The following FSTL5 variants were observed in gnomAD, a reference collection of about 807,000 sequenced individuals.
FSTL5 encodes follistatin like 5, also known as follistatin-related protein 5.
FSTL5 carries 62 observed loss-of-function variants against 89.1 expected under a neutral mutation model. The observed-to-expected ratio is 0.70, with a 90% CI of 0.57 to 0.86. FSTL5 has a LOEUF of 0.86. FSTL5 is among the 40% of genes least tolerant of loss of function. The pLI, the probability that FSTL5 is intolerant of heterozygous loss-of-function variation, is 0.00. For synonymous variants in FSTL5, 383 were observed against 346.2 expected (o/e 1.11, Z -1.18); for missense variants, 1,057 against 1,001.6 (o/e 1.06, Z -0.75).
At chr4:161,808,548 T>A (rs1245190415) in intron 4 of FSTL5, among the ~76,000 whole-genome samples, 1 of 152,036 alleles carries the variant, frequency 6.6e-6, no homozygotes, top group Non-Finnish European at 1.5e-5. Context: ...TGTGAAACTC[T>A]TAGAAGAAAA....
chr4:162,052,232 A>G (rs1452235060), intron 2 of FSTL5, among the ~76,000 whole-genome samples: 2 of 151,606 alleles, frequency 1.3e-5, no homozygotes, highest in Non-Finnish European at 3.0e-5. Context: ...TAGGACAAGA[A>G]GAAAAATAAA....
chr4:162,153,666 A>G (rs1733326590), intron 1 of FSTL5, among the ~76,000 whole-genome samples: 1 of 136,316 alleles, frequency 7.3e-6, no homozygotes, highest in African/African-American at 2.7e-5. Flanking sequence ...TATATAATAT[A>G]TGTATATTAT....
chr4:161,832,386 T>C (rs940334427), intron 4 of FSTL5, among the ~76,000 whole-genome samples: 1 of 152,186 alleles, frequency 6.6e-6, no homozygotes, highest in Non-Finnish European at 1.5e-5. Flanking sequence ...AGGATGATGC[T>C]GGCCTCACAA....
At chr4:161,997,120 C>A (rs1423294858) in intron 3 of FSTL5, among the ~76,000 whole-genome samples, 1 of 152,088 alleles carries the variant, frequency 6.6e-6, no homozygotes, top group Non-Finnish European at 1.5e-5. Flanking sequence ...TGGTGAGGAG[C>A]AAATGAAGTA....
At chr4:161,648,101 C>A (rs1048272184) in intron 7 of FSTL5, among the ~76,000 whole-genome samples, 1 of 152,156 alleles carries the variant, frequency 6.6e-6, no homozygotes, top group African/African-American at 2.4e-5. Context: ...AAACCTTGCA[C>A]TCATTCTCCA....
At position 161,535,907 on chromosome 4, in the gene FSTL5, T is replaced by TA. The variant is rs201095479; in HGVS notation, c.1312+2258dup. Reference sequence around the variant, plus strand: ...TACATCATGGAATACTACTCAGCCATAAAGAAGAATGAAATCATAGTCTTT... The same window carrying TA: ...TACATCATGGAATACTACTCAGCCATAAAAGAAGAATGAAATCATAGTCTTT... On this transcript the variant is annotated intron_variant, in intron 10 of 15. Coordinates refer to ENST00000306100, the MANE Select transcript of FSTL5 (RefSeq NM_020116.5). 9.1e-4 allele frequency among the ~76,000 whole-genome samples: 139 copies of TA among 152,212 alleles called. 1 individual carries two copies. The East Asian group carries it at 0.024, about 26-fold the overall frequency.
chr4:161,560,899 C>T (rs748928456), intron 8 of FSTL5, among the ~76,000 whole-genome samples: 5 of 151,810 alleles, frequency 3.3e-5, no homozygotes, highest in East Asian at 1.9e-4. Flanking sequence ...CACTAAAATG[C>T]GTAGTAAACA....
chr4:161,826,873 T>C (rs1312342487), intron 4 of FSTL5, among the ~76,000 whole-genome samples: 1 of 152,232 alleles, frequency 6.6e-6, no homozygotes, highest in African/African-American at 2.4e-5. Flanking sequence ...GTAGATGATT[T>C]AGGCCATTTA....
intron 2 of FSTL5, among the ~76,000 whole-genome samples, chr4:162,052,398 C>T (rs941123976): frequency 7.9e-5 from 12 of 151,680 alleles, no homozygotes; most frequent in African/African-American, 2.4e-4. Flanking sequence ...CTATAACATA[C>T]AGTCAGAAAG....
chr4:162,093,479 A>G (rs1730630980), intron 2 of FSTL5, among the ~76,000 whole-genome samples: 1 of 152,326 alleles, frequency 6.6e-6, no homozygotes, highest in African/African-American at 2.4e-5. Flanking sequence ...ACCAGAAAAT[A>G]TTGGAAAAAC....
At chr4:162,117,802 G>A (rs1731700304) in intron 1 of FSTL5, among the ~76,000 whole-genome samples, 1 of 151,726 alleles carries the variant, frequency 6.6e-6, no homozygotes, top group Admixed American at 6.6e-5. Flanking sequence ...AAATTAAAGT[G>A]GTACTTGGCC....
chr4:161,775,083 A>G (rs992858644), intron 5 of FSTL5, among the ~76,000 whole-genome samples: 2 of 152,190 alleles, frequency 1.3e-5, no homozygotes, highest in Non-Finnish European at 2.9e-5. Context: ...AATAAGACCA[A>G]TACTCCACAA....
Position 162,012,791 on chromosome 4 carries a change from AT to A in FSTL5, c.160+20833del, listed in dbSNP as rs552659328. ...ATATAATATTGAAGGAGTATTAGAA[AT>A]TTTTTTGCAAAATTAAGTTTTTCAC... On this transcript the variant is annotated intron_variant, in intron 3 of 15. Transcript: ENST00000306100. 3.0e-3 allele frequency among the ~76,000 whole-genome samples: 454 copies of A among 152,234 alleles called. 5 individuals carry two copies. The highest frequency in any genetic ancestry group is 9.4e-3 in the African/African-American group (392 of 41,518).
chr4:162,112,462 T>C (rs575614168), intron 1 of FSTL5, among the ~76,000 whole-genome samples: 21 of 152,138 alleles, frequency 1.4e-4, no homozygotes, highest in Non-Finnish European at 2.5e-4. Flanking sequence ...TCCAGGCTAG[T>C]CTTGAACTCC....
intron 15 of FSTL5, among the ~76,000 whole-genome samples, chr4:161,448,777 T>C (rs1195172864): frequency 6.6e-6 from 1 of 152,130 alleles, no homozygotes; most frequent in Non-Finnish European, 1.5e-5. Context: ...TGGCTCCAAG[T>C]ACTCTTACAC....
At chr4:161,677,540 TTAG>T (rs1737349563) in intron 6 of FSTL5, among the ~76,000 whole-genome samples, 1 of 152,000 alleles carries the variant, frequency 6.6e-6, no homozygotes, top group Admixed American at 6.6e-5. Context: ...CATGATCGTA[TTAG>T]TAGTATTGGA....
chr4:161,850,470 G>A (rs929962268), intron 4 of FSTL5, among the ~76,000 whole-genome samples: 2 of 152,076 alleles, frequency 1.3e-5, no homozygotes, highest in Admixed American at 6.6e-5. Context: ...GCAAAAATAC[G>A]TGTGTGCTTG....
intron 8 of FSTL5, among the ~76,000 whole-genome samples, chr4:161,558,310 C>A (rs1219786960): frequency 1.3e-5 from 2 of 151,794 alleles, no homozygotes; most frequent in East Asian, 1.9e-4. Flanking sequence ...GGTGATGAAA[C>A]TCTTCTGCAA....
intron 6 of FSTL5, among the ~76,000 whole-genome samples, chr4:161,670,446 A>T (rs1409208971): frequency 3.3e-5 from 5 of 152,228 alleles, no homozygotes; most frequent in Non-Finnish European, 5.9e-5. Context: ...TCTTTAATAA[A>T]CTGAACATTT....
Sources: allele counts gnomAD v4.1 joint callset (sites outside exome capture counted in the v4.1 genomes callset), GRCh38; gene constraint gnomAD v4.1.1; transcripts MANE v1.5; gene names NCBI Gene and HGNC (gene_info 2026-07-23, HGNC 2026-07-21).